DGKG: variants seen among roughly 807,000 people sequenced by gnomAD.
DGKG encodes the protein DAG kinase gamma.
A neutral mutation model predicts 105.3 loss-of-function variants in DGKG; 78 were observed. That is an observed-to-expected ratio of 0.74 (90% CI 0.62 to 0.89). DGKG has a LOEUF of 0.89. DGKG is among the 40% of genes least tolerant of loss of function. The probability of loss-of-function intolerance (pLI) is 0.00; values close to 1 mark genes in which losing one functional copy is unlikely to be tolerated. For synonymous variants in DGKG, 346 were observed against 367.1 expected (o/e 0.94, Z 0.66); for missense variants, 958 against 1,020.1 (o/e 0.94, Z 0.83).
chr3:186,315,834 C>A (rs1362579610), intron 2 of DGKG, among the ~76,000 whole-genome samples: 4 of 152,188 alleles, frequency 2.6e-5, no homozygotes, highest in Non-Finnish European at 5.9e-5. Context: ...GGAGTCCGTT[C>A]CTCTACTTCA....
intron 22 of DGKG, among the ~76,000 whole-genome samples, chr3:186,174,338 T>G (rs556337417): frequency 6.6e-6 from 1 of 152,148 alleles, no homozygotes; most frequent in Non-Finnish European, 1.5e-5. Context: ...GTTCCGACTT[T>G]GCTACACAGT....
intron 22 of DGKG, among the ~76,000 whole-genome samples, chr3:186,180,313 A>T (rs1185784635): frequency 6.6e-6 from 1 of 152,134 alleles, no homozygotes; most frequent in Non-Finnish European, 1.5e-5. Flanking sequence ...TGCTTGAAGG[A>T]CTAAATGACA....
chr3:186,156,474 T>G (rs1402465171), intron 24 of DGKG, among the ~76,000 whole-genome samples: 1 of 152,160 alleles, frequency 6.6e-6, no homozygotes, highest in Non-Finnish European at 1.5e-5. Flanking sequence ...CTATCCATTA[T>G]CATGCCAATA....
intron 14 of DGKG, among the ~76,000 whole-genome samples, chr3:186,262,609 T>C (rs922247996): frequency 3.9e-5 from 6 of 152,194 alleles, no homozygotes; most frequent in African/African-American, 9.7e-5. Flanking sequence ...GTGGATAAAA[T>C]GTAAATTTCC....
At chr3:186,291,946 C>T (rs1723329595) in intron 5 of DGKG, among the ~76,000 whole-genome samples, 1 of 152,170 alleles carries the variant, frequency 6.6e-6, no homozygotes, top group Non-Finnish European at 1.5e-5. Flanking sequence ...TCACTGAAGT[C>T]TACTGCTCAC....
chr3:186,158,906 A>G (rs549197556), intron 24 of DGKG: 394 of 923,842 alleles, frequency 4.3e-4, no homozygotes, highest in Admixed American at 6.8e-4. Flanking sequence ...GCACATGGAA[A>G]GGTTAGTTTG....
chr3:186,251,511 T>C (rs1721225060), intron 19 of DGKG, among the ~76,000 whole-genome samples: 1 of 152,190 alleles, frequency 6.6e-6, no homozygotes, highest in Admixed American at 6.5e-5. Flanking sequence ...AATTTTTCTG[T>C]CTTTTCCTGT....
intron 2 of DGKG, among the ~76,000 whole-genome samples, chr3:186,308,610 A>G (rs1359372978): frequency 6.6e-6 from 1 of 152,194 alleles, no homozygotes; most frequent in East Asian, 1.9e-4. Context: ...TAATCATTTC[A>G]GGATTGAGAC....
chr3:186,191,777 C>T (rs1717919782), intron 21 of DGKG, among the ~76,000 whole-genome samples: 1 of 152,182 alleles, frequency 6.6e-6, no homozygotes, highest in African/African-American at 2.4e-5. Flanking sequence ...CAGGCTCTGC[C>T]TTTGCGTGTA....
At chr3:186,246,800 G>A (rs1157464964) in intron 19 of DGKG, among the ~76,000 whole-genome samples, 4 of 152,180 alleles carry the variant, frequency 2.6e-5, no homozygotes, top group Non-Finnish European at 5.9e-5. Flanking sequence ...AGCTAGGAAC[G>A]ATCTGCAAGG....
At chr3:186,160,300 G>A in intron 24 of DGKG, 3 of 985,402 alleles carry the variant, frequency 3.0e-6, no homozygotes, top group Non-Finnish European at 3.6e-6. Context: ...AGCTAGGACT[G>A]AACCAGGTAG....
intron 20 of DGKG, among the ~76,000 whole-genome samples, chr3:186,235,036 T>G (rs1288181315): frequency 6.6e-6 from 1 of 152,132 alleles, no homozygotes; most frequent in East Asian, 1.9e-4. Flanking sequence ...GTTGAGCACC[T>G]GATGAAAAAA....
At chr3:186,194,212 G>C (rs903843413) in intron 21 of DGKG, among the ~76,000 whole-genome samples, 2 of 152,262 alleles carry the variant, frequency 1.3e-5, no homozygotes, top group Non-Finnish European at 2.9e-5. Context: ...GACAAGGTTA[G>C]GAGGCAAAGC....
At chr3:186,333,564 G>GT (rs1434230489) in intron 1 of DGKG, among the ~76,000 whole-genome samples, 3 of 152,120 alleles carry the variant, frequency 2.0e-5, no homozygotes, top group Non-Finnish European at 4.4e-5. Context: ...ATCTGGATGT[G>GT]TTTTTCATAC....
At chr3:186,349,306 A>G (rs1204438733) in intron 1 of DGKG, among the ~76,000 whole-genome samples, 2 of 152,066 alleles carry the variant, frequency 1.3e-5, no homozygotes, top group African/African-American at 4.8e-5. Flanking sequence ...TTTCACTTTC[A>G]TGTTTTTTGT....
intron 22 of DGKG, among the ~76,000 whole-genome samples, chr3:186,173,019 G>A (rs910948134): frequency 6.6e-6 from 1 of 152,220 alleles, no homozygotes; most frequent in Non-Finnish European, 1.5e-5. Context: ...CTGGCAGCTG[G>A]CTGCCCTCTG....
intron 19 of DGKG, among the ~76,000 whole-genome samples, chr3:186,248,929 A>G (rs962543783): frequency 1.3e-5 from 2 of 152,176 alleles, no homozygotes; most frequent in Admixed American, 6.5e-5. Context: ...GTACTCAATA[A>G]ATGTTAGCAA....
At chr3:186,243,764 G>A (rs1720797423) in intron 19 of DGKG, among the ~76,000 whole-genome samples, 1 of 151,980 alleles carries the variant, frequency 6.6e-6, no homozygotes, top group Non-Finnish European at 1.5e-5. Context: ...GACTAGATTT[G>A]TTTTGCAATG....
At chr3:186,359,318 TA>T (rs1560172730) in intron 1 of DGKG, among the ~76,000 whole-genome samples, 1 of 152,192 alleles carries the variant, frequency 6.6e-6, no homozygotes, top group Admixed American at 6.5e-5. Context: ...GTGTGTGCAG[TA>T]AAGACTTTGC....
Sources: gnomAD v4.1 joint callset for allele counts (sites outside exome capture counted in the v4.1 genomes callset) on GRCh38, gnomAD v4.1.1 for gene constraint, MANE v1.5 for transcripts, NCBI Gene and HGNC (gene_info 2026-07-23, HGNC 2026-07-21) for gene names.